Variants in TBC1D14 observed in about 807,000 individuals in gnomAD.
The protein encoded by TBC1D14 is TBC1 domain family, member 14.
A neutral mutation model predicts 79.0 loss-of-function variants in TBC1D14; 26 were observed. That is an observed-to-expected ratio of 0.33 (90% CI 0.24 to 0.46). TBC1D14 has a LOEUF of 0.46. Ranked by LOEUF, TBC1D14 falls within the 20% of genes least tolerant of loss-of-function variation. TBC1D14 has a pLI of 1.00. For missense variants in TBC1D14, 769 were observed against 887.6 expected (o/e 0.87, Z 1.70); for synonymous variants, 394 against 349.9 (o/e 1.13, Z -1.40).
intron 2 of TBC1D14, among the ~76,000 whole-genome samples, chr4:6,946,184 G>A (rs4689060): frequency 0.75 from 113,676 of 152,046 alleles, 43,427 homozygotes; most frequent in East Asian, 0.97. Context: ...CCAGTACATG[G>A]CATAGCACCT....
intron 2 of TBC1D14, among the ~76,000 whole-genome samples, chr4:6,950,195 A>C (rs1713903031): frequency 6.6e-6 from 1 of 152,182 alleles, no homozygotes; most frequent in East Asian, 1.9e-4. Context: ...GTTTGCTGAG[A>C]ATGATGGCTT....
intron 1 of TBC1D14, among the ~76,000 whole-genome samples, chr4:6,916,703 A>G (rs752378045): frequency 6.6e-6 from 1 of 152,212 alleles, no homozygotes; most frequent in Admixed American, 6.5e-5. Context: ...TGTGACAGGT[A>G]AATACAATTC....
intron 3 of TBC1D14, among the ~76,000 whole-genome samples, chr4:6,988,036 C>A (rs1204507155): frequency 1.3e-5 from 2 of 152,212 alleles, no homozygotes; most frequent in Admixed American, 1.3e-4. Flanking sequence ...GCTTTACTTA[C>A]TGTGAGGTCA....
intron 6 of TBC1D14, among the ~76,000 whole-genome samples, chr4:7,000,040 T>A (rs1049608064): frequency 6.6e-6 from 1 of 152,186 alleles, no homozygotes; most frequent in Non-Finnish European, 1.5e-5. Flanking sequence ...ATGTCAGCAC[T>A]GCAGGGGTCA....
intron 1 of TBC1D14, among the ~76,000 whole-genome samples, chr4:6,912,405 TAAAA>T (rs989738893): frequency 1.3e-5 from 2 of 151,364 alleles, no homozygotes; most frequent in African/African-American, 4.9e-5. Flanking sequence ...ATAAAAAAAA[TAAAA>T]AAATAAAAAA....
chr4:6,921,932 C>T (rs1053885194), intron 1 of TBC1D14, among the ~76,000 whole-genome samples: 3 of 152,006 alleles, frequency 2.0e-5, no homozygotes, highest in South Asian at 2.1e-4. Flanking sequence ...GCTGACCTCT[C>T]GACCTGCCCG....
At chr4:7,017,324 A>G (rs1015107415) in intron 12 of TBC1D14, among the ~76,000 whole-genome samples, 6 of 151,944 alleles carry the variant, frequency 3.9e-5, no homozygotes, top group Non-Finnish European at 8.8e-5. Context: ...AAAAAATAAA[A>G]CTGAGGCTCA....
chr4:6,971,712 G>A (rs1214821713), intron 3 of TBC1D14, among the ~76,000 whole-genome samples: 2 of 152,212 alleles, frequency 1.3e-5, no homozygotes, highest in Admixed American at 6.5e-5. Flanking sequence ...AGAAATGCAC[G>A]TTCTCGGGCC....
intron 1 of TBC1D14, among the ~76,000 whole-genome samples, chr4:6,923,130 G>A (rs182233209): frequency 3.9e-5 from 6 of 152,338 alleles, no homozygotes; most frequent in African/African-American, 1.4e-4. Flanking sequence ...GAACCCAGGA[G>A]GCAGAGGTTT....
intron 3 of TBC1D14, among the ~76,000 whole-genome samples, chr4:6,984,880 C>T (rs1344591962): frequency 6.6e-6 from 1 of 152,228 alleles, no homozygotes; most frequent in East Asian, 1.9e-4. Context: ...TGACCTTGGA[C>T]TCGGCAGTGG....
At chr4:7,029,714 A>G (rs965789158) in intron 13 of TBC1D14, among the ~76,000 whole-genome samples, 1 of 152,144 alleles carries the variant, frequency 6.6e-6, no homozygotes, top group African/African-American at 2.4e-5. Context: ...ATTCCCAGCT[A>G]CTCAGGAGGC....
chr4:7,027,964 C>G (rs1446195209), intron 13 of TBC1D14, among the ~76,000 whole-genome samples: 1 of 139,142 alleles, frequency 7.2e-6, no homozygotes, highest in Non-Finnish European at 1.6e-5. Flanking sequence ...CCCACACACA[C>G]ATTGCCCACC....
chr4:6,923,663 G>A lies in TBC1D14; in HGVS notation c.274G>A (p.Asp92Asn), dbSNP rs1724042704. 9 of 1,613,734 alleles carry A rather than the reference G, an allele frequency of 5.6e-6. No individual in the cohort carries two copies. The highest frequency in any genetic ancestry group is 5.5e-5 in the South Asian group (5 of 91,090). Reference protein sequence around the residue: ...SAVHVRRKQSDSDLIPERAFQ... With the variant: ...SAVHVRRKQSNSDLIPERAFQ... Reference sequence around the variant, plus strand: ...GGTCCACGTGAGGAGGAAGCAGTCCGACTCCGACCTCATCCCCGAGCGGGC... The same window carrying A: ...GGTCCACGTGAGGAGGAAGCAGTCCAACTCCGACCTCATCCCCGAGCGGGC... The change falls in exon 2 of 14, where the codon GAC becomes AAC. Residue 92 changes from aspartate to asparagine, a missense_variant. Around this residue, in one of 2 missense-constraint regions of TBC1D14, gnomAD observed 402 missense variants for 393.2 expected, o/e 1.02. Coordinates refer to ENST00000409757, the MANE Select transcript of TBC1D14 (RefSeq NM_020773.3).
At position 7,032,130 on chromosome 4, in the gene TBC1D14, CCT is replaced by C. The variant is rs1170095241; in HGVS notation, c.*1742_*1743del. 1 of 152,592 alleles carries C rather than the reference CCT, an allele frequency of 6.6e-6. No individual in the cohort carries two copies. The highest frequency in any genetic ancestry group is 1.5e-5 in the Non-Finnish European group (1 of 68,056). 9.5% of individuals were successfully genotyped at this position (152,592 alleles called of 1,614,324 possible). A position where few individuals can be genotyped will look rare whatever the true frequency, so the allele number is the denominator to read the frequency against. ...TCGGCCTTTAAATGCTGACTCACCT[CCT>C]CTCGGAGGAGGCGTCCTGTCTTCAC... On this transcript the variant is annotated 3_prime_UTR_variant, in exon 14 of 14. Transcript: ENST00000409757.
At chr4:6,984,895 T>A (rs1244517857) in intron 3 of TBC1D14, among the ~76,000 whole-genome samples, 2 of 152,228 alleles carry the variant, frequency 1.3e-5, no homozygotes, top group African/African-American at 4.8e-5. Flanking sequence ...CAGTGGTGTC[T>A]GCAGGCGGGT....
chr4:6,925,103 G>A (rs1199791620), intron 2 of TBC1D14, among the ~76,000 whole-genome samples: 3 of 152,128 alleles, frequency 2.0e-5, no homozygotes, highest in Admixed American at 1.3e-4. Context: ...GACCAGTCTG[G>A]CCAACATGGC....
chr4:6,911,554 C>T (rs1553850683), intron 1 of TBC1D14, among the ~76,000 whole-genome samples: 1 of 152,266 alleles, frequency 6.6e-6, no homozygotes. Flanking sequence ...TTTGCCTCTC[C>T]TGGCTTCTGC....
intron 2 of TBC1D14, among the ~76,000 whole-genome samples, chr4:6,954,691 C>T (rs547896791): frequency 6.6e-6 from 1 of 152,228 alleles, no homozygotes; most frequent in Non-Finnish European, 1.5e-5. Context: ...GCCTCCGCCT[C>T]CCAGGTTCAC....
At chr4:7,012,911 A>G (rs756915849) in intron 11 of TBC1D14, among the ~76,000 whole-genome samples, 10 of 152,246 alleles carry the variant, frequency 6.6e-5, no homozygotes, top group Non-Finnish European at 1.0e-4. Flanking sequence ...GGCACAGTAT[A>G]TACTGGCCTT....
Sources: gnomAD v4.1 joint callset for allele counts (sites outside exome capture counted in the v4.1 genomes callset) on GRCh38, gnomAD v4.1.1 for gene constraint, gnomAD v4.1.1 regional missense constraint, MANE v1.5 for transcripts, NCBI Gene and HGNC (gene_info 2026-07-23, HGNC 2026-07-21) for gene names.